Variants in LDLRAD3 observed in about 807,000 individuals in gnomAD.
The protein encoded by LDLRAD3 is low density lipoprotein receptor class A domain containing 3.
LDLRAD3 carries 20 observed loss-of-function variants against 29.4 expected under a neutral mutation model. The observed-to-expected ratio is 0.68, with a 90% CI of 0.48 to 0.99. The LOEUF (loss-of-function observed/expected upper bound fraction) is 0.99. Ranked by LOEUF, LDLRAD3 falls within the 50% of genes least tolerant of loss-of-function variation. The pLI is 0.00. For missense variants in LDLRAD3, 420 were observed against 454.3 expected (o/e 0.92, Z 0.69); for synonymous variants, 157 against 192.7 (o/e 0.81, Z 1.53).
Position 36,098,238 on chromosome 11 carries a change from C to T in LDLRAD3, c.320-89C>T, listed in dbSNP as rs11820520. ...GAAGATAAGCTTACTGCTTCCTGAGCGGGACACACGCCAGGCTGGAAGAAG... is the reference window on the plus strand; with the variant it reads ...GAAGATAAGCTTACTGCTTCCTGAGTGGGACACACGCCAGGCTGGAAGAAG... On this transcript the variant is annotated intron_variant, in intron 3 of 5. Coordinates refer to ENST00000315571, the MANE Select transcript of LDLRAD3 (RefSeq NM_174902.4). 1.5e-3 allele frequency: 2,175 copies of T among 1,482,940 alleles called. 27 individuals carry two copies. In the African/African-American group the frequency reaches 0.025, roughly 17 times the overall value. 91.9% of individuals were successfully genotyped at this position (1,482,940 alleles called of 1,614,324 possible). A position where few individuals can be genotyped will look rare whatever the true frequency, so the allele number is the denominator to read the frequency against.
intron 2 of LDLRAD3, among the ~76,000 whole-genome samples, chr11:36,050,778 A>G (rs932193557): frequency 1.3e-5 from 2 of 152,160 alleles, no homozygotes; most frequent in African/African-American, 2.4e-5. Context: ...AATCCATTCA[A>G]ATACCACTAA....
rs1181272088 is a variant in LDLRAD3, at chr11:36,229,543, C to T, written c.*146C>T. 3 of 621,920 alleles carry T rather than the reference C, an allele frequency of 4.8e-6. No individual in the cohort carries two copies. The highest frequency in any genetic ancestry group is 8.5e-6 in the Non-Finnish European group (3 of 351,020). The allele number at this position is 621,920 out of a possible 1,614,324, so 38.5% of individuals were successfully genotyped here. On this transcript the variant is annotated 3_prime_UTR_variant, in exon 6 of 6. Transcript: ENST00000315571. ...ATATTAACTATCTCTGCATTCCCCTCCTCCCCCAGACTTCAGAGATGTTTT... is the reference window on the plus strand; with the variant it reads ...ATATTAACTATCTCTGCATTCCCCTTCTCCCCCAGACTTCAGAGATGTTTT...
In LDLRAD3 at chr11:36,049,109, T is replaced by C. The variant is rs559448425; in HGVS notation, c.193+12860T>C. On this transcript the variant is annotated intron_variant, in intron 2 of 5. Transcript: ENST00000315571. ...TGCCTGGGCCCCTGTCATTCCAGCA[T>C]GCTCTCATTGCCAGGACTTGGCTGT... 1.1e-3 allele frequency among the ~76,000 whole-genome samples: 163 copies of C among 152,306 alleles called. 1 individual carries two copies. Among genetic ancestry groups the C allele is most frequent in the Non-Finnish European group, 1.8e-3 (122 of 68,030 alleles).
intron 4 of LDLRAD3, among the ~76,000 whole-genome samples, chr11:36,117,240 C>T (rs913680984): frequency 2.6e-5 from 4 of 152,158 alleles, no homozygotes; most frequent in Non-Finnish European, 5.9e-5. Context: ...ATCAGTGATC[C>T]ATTCTAGACA....
intron 3 of LDLRAD3, among the ~76,000 whole-genome samples, chr11:36,096,968 G>A (rs181849520): frequency 6.6e-6 from 1 of 152,230 alleles, no homozygotes; most frequent in African/African-American, 2.4e-5. Flanking sequence ...CAGAGCCCTG[G>A]AATGAACCTT....
At chr11:36,099,238 A>T (rs1274568030) in intron 4 of LDLRAD3, among the ~76,000 whole-genome samples, 1 of 152,204 alleles carries the variant, frequency 6.6e-6, no homozygotes, top group Non-Finnish European at 1.5e-5. Flanking sequence ...TCTGAGGAGG[A>T]CACAATGGGA....
intron 1 of LDLRAD3, among the ~76,000 whole-genome samples, chr11:35,965,562 A>C (rs1049150281): frequency 2.0e-5 from 3 of 152,182 alleles, no homozygotes; most frequent in Non-Finnish European, 2.9e-5. Flanking sequence ...TAAAGCAGGA[A>C]GTCCTCACTA....
chr11:36,016,050 T>A (rs1201602100), intron 1 of LDLRAD3, among the ~76,000 whole-genome samples: 1 of 152,136 alleles, frequency 6.6e-6, no homozygotes, highest in African/African-American at 2.4e-5. Flanking sequence ...CCTGCCACAT[T>A]CCCCGCAGAG....
chr11:36,074,692 A>C (rs149236497), intron 2 of LDLRAD3, among the ~76,000 whole-genome samples: 1 of 152,322 alleles, frequency 6.6e-6, no homozygotes, highest in Non-Finnish European at 1.5e-5. Flanking sequence ...CGTAGATGGC[A>C]AAGCCTATAA....
At chr11:35,973,485 T>A (rs145798101) in intron 1 of LDLRAD3, among the ~76,000 whole-genome samples, 17 of 152,160 alleles carry the variant, frequency 1.1e-4, no homozygotes, top group Non-Finnish European at 1.2e-4. Context: ...TGAGGTGTAG[T>A]CTTACTCTGT....
Position 36,096,821 on chromosome 11 carries a change from C to G in LDLRAD3, c.320-1506C>G, listed in dbSNP as rs1383769776. 2.0e-5 allele frequency among the ~76,000 whole-genome samples: 3 copies of G among 152,324 alleles called. No homozygotes were observed. In the East Asian group the frequency reaches 5.8e-4, roughly 29 times the overall value. The stretch of plus-strand genomic sequence containing the variant: ...CCCACATTTTCAGTAGGCACTGGAC[C>G]TCACAAATCATGTAGAGGGTCCTGT... On this transcript the variant is annotated intron_variant, in intron 3 of 5. Transcript: ENST00000315571.
chr11:36,007,596 C>T lies in LDLRAD3; in HGVS notation c.47-28507C>T, dbSNP rs193086186. Among the ~76,000 whole-genome samples the T allele has an allele frequency of 9.9e-5, 15 of 152,274 alleles. 1 individual carries two copies. In the East Asian group the frequency reaches 2.7e-3, roughly 27 times the overall value. ...CCGGCGGCTTGGGAAGGCATTTCTTCAGCAGTCCTCCTCAGCCAGCACTCT... is the reference window on the plus strand; with the variant it reads ...CCGGCGGCTTGGGAAGGCATTTCTTTAGCAGTCCTCCTCAGCCAGCACTCT... On this transcript the variant is annotated intron_variant, in intron 1 of 5. Coordinates refer to ENST00000315571, the MANE Select transcript of LDLRAD3 (RefSeq NM_174902.4).
chr11:36,189,876 G>T (rs1217461954), intron 4 of LDLRAD3, among the ~76,000 whole-genome samples: 5 of 152,090 alleles, frequency 3.3e-5, no homozygotes, highest in Admixed American at 2.6e-4. Flanking sequence ...ATGACTTCCA[G>T]CTTCATCCAT....
intron 1 of LDLRAD3, chr11:35,967,899 A>G (rs1307029940): frequency 5.1e-6 from 2 of 390,096 alleles, no homozygotes; most frequent in Non-Finnish European, 1.0e-5. Context: ...AGGTGGGGTG[A>G]TGTCCAAACA....
chr11:36,112,277 A>C (rs944258019), intron 4 of LDLRAD3, among the ~76,000 whole-genome samples: 3 of 152,226 alleles, frequency 2.0e-5, no homozygotes, highest in African/African-American at 4.8e-5. Context: ...GCTGAGAGTC[A>C]AGAGAATTCC....
chr11:35,964,983 G>A (rs1851320785), intron 1 of LDLRAD3, among the ~76,000 whole-genome samples: 1 of 124,080 alleles, frequency 8.1e-6, no homozygotes. Flanking sequence ...GAGCAAGACT[G>A]TCTCCAAAAA....
intron 4 of LDLRAD3, among the ~76,000 whole-genome samples, chr11:36,193,128 C>T (rs971555465): frequency 5.9e-5 from 9 of 152,256 alleles, no homozygotes; most frequent in African/African-American, 1.4e-4. Flanking sequence ...GGAATCTCTC[C>T]GAGCCCCAGT....
chr11:36,172,240 T>C (rs1188470206), intron 4 of LDLRAD3, among the ~76,000 whole-genome samples: 10 of 152,150 alleles, frequency 6.6e-5, no homozygotes, highest in Admixed American at 4.6e-4. Flanking sequence ...CCAGAGTCTT[T>C]AGGGTTTTTT....
At chr11:35,967,692 G>C (rs1851359229) in intron 1 of LDLRAD3, 1 of 472,572 alleles carries the variant, frequency 2.1e-6, no homozygotes, top group Admixed American at 2.3e-5. Flanking sequence ...TTCATGTCCG[G>C]GTGCACCATG....
Sources: allele counts gnomAD v4.1 joint callset (sites outside exome capture counted in the v4.1 genomes callset), GRCh38; gene constraint gnomAD v4.1.1; transcripts MANE v1.5; gene names NCBI Gene and HGNC (gene_info 2026-07-23, HGNC 2026-07-21).